Variants in GNG5 observed in about 807,000 individuals in gnomAD.
GNG5 encodes the protein guanine nucleotide-binding protein G(I)/G(S)/G(O) subunit gamma-5.
Under a neutral mutation model 6.2 loss-of-function variants are expected in GNG5, and 2 were observed. That is an observed-to-expected ratio of 0.32 (90% CI 0.13 to 1.01). The LOEUF (loss-of-function observed/expected upper bound fraction) is 1.01. Among genes scored for constraint, GNG5 ranks in the 50% least tolerant of loss-of-function variants. The probability of loss-of-function intolerance (pLI) is 0.48; values close to 1 mark genes in which losing one functional copy is unlikely to be tolerated. For missense variants in GNG5, 57 were observed against 80.2 expected, an observed-to-expected ratio of 0.71 and a Z score of 1.10; for synonymous variants, 24 against 33.0, an observed-to-expected ratio of 0.73 and a Z score of 0.93.
In GNG5 at chr1:84,506,200, T is replaced by C. The variant is rs1682220616; in HGVS notation, c.-109A>G. ...GGCGGGGGCGGGGCTCCGAACTTTG[T>C]CTCTAAGTTTCCGGTTCTGTGCTCA... On this transcript the variant is annotated 5_prime_UTR_variant, in exon 2 of 4. Coordinates refer to ENST00000370645, the MANE Select transcript of GNG5 (RefSeq NM_005274.3). The C allele has an allele frequency of 7.4e-6, 6 of 808,722 alleles. No individual in the cohort carries two copies. The highest frequency in any genetic ancestry group is 9.1e-6 in the Non-Finnish European group (5 of 548,462). The allele number at this position is 808,722 out of a possible 1,614,324, so 50.1% of individuals were successfully genotyped here. A position where few individuals can be genotyped will look rare whatever the true frequency, so the allele number is the denominator to read the frequency against.
intron 2 of GNG5, 25 bp from the exon 3 acceptor site, chr1:84,501,995 A>G (rs1416520742): frequency 4.4e-6 from 7 of 1,588,608 alleles, no homozygotes; most frequent in East Asian, 2.2e-5. Flanking sequence ...GAGGGGGGGA[A>G]GTGCCAGATG....
chr1:84,506,189 T>C lies in GNG5; in HGVS notation c.-98A>G, dbSNP rs1054776884. The stretch of plus-strand genomic sequence containing the variant: ...CAGCGGCGCGCGGCGGGGGCGGGGC[T>C]CCGAACTTTGTCTCTAAGTTTCCGG... On this transcript the variant is annotated 5_prime_UTR_variant, in exon 2 of 4. Transcript: ENST00000370645. 2.1e-5 allele frequency: 20 copies of C among 951,502 alleles called. No homozygotes were observed. Among genetic ancestry groups the C allele is most frequent in the East Asian group, 3.2e-5 (1 of 31,326 alleles). 58.9% of individuals were successfully genotyped at this position (951,502 alleles called of 1,614,324 possible).
intron 2 of GNG5, among the ~76,000 whole-genome samples, chr1:84,504,769 A>T (rs1004458976): frequency 6.6e-6 from 1 of 152,230 alleles, no homozygotes; most frequent in Non-Finnish European, 1.5e-5. Context: ...TCCCACACCA[A>T]GACGAATGAG....
intron 2 of GNG5, among the ~76,000 whole-genome samples, chr1:84,504,520 C>T (rs1682121118): frequency 6.6e-6 from 1 of 152,146 alleles, no homozygotes; most frequent in African/African-American, 2.4e-5. Context: ...TAAAGATGTA[C>T]AATTTATTGC....
chr1:84,502,551 T>C (rs766532233), intron 2 of GNG5, among the ~76,000 whole-genome samples: 36 of 152,210 alleles, frequency 2.4e-4, no homozygotes, highest in Non-Finnish European at 4.9e-4. Context: ...TAGAATTATG[T>C]TGATTTTTGC....
intron 2 of GNG5, among the ~76,000 whole-genome samples, chr1:84,505,176 G>A (rs996539736): frequency 6.6e-5 from 10 of 152,136 alleles, no homozygotes; most frequent in Non-Finnish European, 1.3e-4. Context: ...GTAAAAATCA[G>A]GAAATACTTA....
At chr1:84,505,356 T>C (rs2174654) in intron 2 of GNG5, among the ~76,000 whole-genome samples, 1,997 of 152,276 alleles carry the variant, frequency 0.013, 38 homozygotes, top group African/African-American at 0.044. Flanking sequence ...CAAGGTCAAA[T>C]ATGAGCAAAC....
intron 1 of GNG5, 55 bp downstream of exon 1, chr1:84,506,376 CTTAAG>C: frequency 3.4e-6 from 1 of 297,908 alleles, no homozygotes. Context: ...CGACCCGACT[CTTAAG>C]TTTTCTTTTC....
At chr1:84,502,632 T>C (rs1223936963) in intron 2 of GNG5, among the ~76,000 whole-genome samples, 3 of 152,174 alleles carry the variant, frequency 2.0e-5, no homozygotes, top group Non-Finnish European at 4.4e-5. Context: ...TAACATCTTA[T>C]TAAAAACATT....
intron 2 of GNG5, 78 bp from the exon 3 acceptor site, chr1:84,502,048 T>C (rs915958114): frequency 6.1e-5 from 67 of 1,091,384 alleles, no homozygotes; most frequent in African/African-American, 1.4e-4. Flanking sequence ...TTTGGAAATA[T>C]TGTACTTACA....
At chr1:84,502,169 ACT>A (rs1682073352) in intron 2 of GNG5, among the ~76,000 whole-genome samples, 199 bp from the exon 3 acceptor site, 1 of 121,830 alleles carries the variant, frequency 8.2e-6, no homozygotes, top group Non-Finnish European at 1.6e-5. Context: ...ACGGAGTCTC[ACT>A]CTGTTGCCAG....
chr1:84,498,884 GAAGTA>G (rs1346375630), intron 3 of GNG5, among the ~76,000 whole-genome samples: 2 of 152,258 alleles, frequency 1.3e-5, no homozygotes, highest in East Asian at 1.9e-4. Context: ...AGTATCTAGT[GAAGTA>G]AAGGATGCAA....
chr1:84,504,725 T>C (rs1292133126), intron 2 of GNG5, among the ~76,000 whole-genome samples: 1 of 149,626 alleles, frequency 6.7e-6, no homozygotes, highest in Non-Finnish European at 1.5e-5. Context: ...TGCAGTGAGG[T>C]CTACAGCATT....
At chr1:84,505,832 TAG>T (rs901665046) in intron 2 of GNG5, among the ~76,000 whole-genome samples, 177 bp downstream of exon 2, 113 of 152,292 alleles carry the variant, frequency 7.4e-4, no homozygotes, top group African/African-American at 2.6e-3. Context: ...AAACACAGCG[TAG>T]ACCCACGCGG....
intron 2 of GNG5, among the ~76,000 whole-genome samples, chr1:84,505,730 G>A (rs1401736142): frequency 6.6e-6 from 1 of 152,242 alleles, no homozygotes; most frequent in African/African-American, 2.4e-5. Flanking sequence ...GGTAGAGACG[G>A]AGGAGGACCG....
In GNG5 at chr1:84,498,492, G is replaced by GCTT. The variant is rs1681985536; in HGVS notation, c.*73_*75dup. 6.6e-6 allele frequency: 1 copy of GCTT among 152,478 alleles called. No homozygotes were observed. Among genetic ancestry groups the GCTT allele is most frequent in the African/African-American group, 2.4e-5 (1 of 41,306 alleles). The allele number at this position is 152,478 out of a possible 1,614,324, so 9.4% of individuals were successfully genotyped here. A position where few individuals can be genotyped will look rare whatever the true frequency, so the allele number is the denominator to read the frequency against. ...GTTACAGGGATAAGCTTTTGTACAG[G>GCTT]CTTCAAATGTAGCTCTCTTGAATAT... On this transcript the variant is annotated 3_prime_UTR_variant, in exon 4 of 4. Coordinates refer to ENST00000370645, the MANE Select transcript of GNG5 (RefSeq NM_005274.3).
At chr1:84,501,719 G>C in intron 3 of GNG5, 107 bp downstream of exon 3, 1 of 662,448 alleles carries the variant, frequency 1.5e-6, no homozygotes. Flanking sequence ...ACTGGAAATG[G>C]AGGGCCAAAG....
intron 2 of GNG5, among the ~76,000 whole-genome samples, chr1:84,503,342 A>T (rs778331573): frequency 5.9e-5 from 9 of 152,206 alleles, no homozygotes; most frequent in Non-Finnish European, 1.0e-4. Flanking sequence ...TCTCTATACC[A>T]AGAACCCCTG....
chr1:84,502,427 C>G (rs1249064023), intron 2 of GNG5, among the ~76,000 whole-genome samples: 1 of 152,118 alleles, frequency 6.6e-6, no homozygotes, highest in Non-Finnish European at 1.5e-5. Flanking sequence ...CCACCACGCC[C>G]AGCCTAGTGA....
Sources: gnomAD v4.1 joint callset for allele counts (sites outside exome capture counted in the v4.1 genomes callset) on GRCh38, gnomAD v4.1.1 for gene constraint, MANE v1.5 for transcripts, NCBI Gene and HGNC (gene_info 2026-07-23, HGNC 2026-07-21) for gene names.